The following FBXO36 variants were observed in gnomAD, a reference collection of about 807,000 sequenced individuals.
FBXO36 encodes the protein F-box protein 36, also known as F-box only protein 36.
In FBXO36, 18 loss-of-function variants were observed where a neutral mutation model predicts 17.0. The observed-to-expected ratio is 1.06, with a 90% CI of 0.73 to 1.57. FBXO36 has a LOEUF of 1.57. Ranked by LOEUF, FBXO36 falls within the 40% of genes most tolerant of loss-of-function variation. The pLI is 0.00. For synonymous variants in FBXO36, 83 were observed against 85.3 expected, an observed-to-expected ratio of 0.97 and a Z score of 0.15; for missense variants, 229 against 221.9, an observed-to-expected ratio of 1.03 and a Z score of -0.20.
At chr2:229,996,199 G>A (rs764655249) in intron 2 of FBXO36, among the ~76,000 whole-genome samples, 3 of 151,794 alleles carry the variant, frequency 2.0e-5, no homozygotes, top group Non-Finnish European at 4.4e-5. Flanking sequence ...GATTGCTTGA[G>A]CCTGGGAGGT....
chr2:229,977,692 C>T (rs2077216820), intron 2 of FBXO36, among the ~76,000 whole-genome samples: 1 of 152,084 alleles, frequency 6.6e-6, no homozygotes, highest in South Asian at 2.1e-4. Flanking sequence ...TCAGGTGATC[C>T]ACCTGCCTCA....
At chr2:229,998,967 T>C (rs529364107) in intron 3 of FBXO36, among the ~76,000 whole-genome samples, 1 of 151,466 alleles carries the variant, frequency 6.6e-6, no homozygotes, top group East Asian at 2.0e-4. Flanking sequence ...CACACCCGGC[T>C]AATTTTTTGT....
At chr2:229,994,518 G>A (rs992153426) in intron 2 of FBXO36, among the ~76,000 whole-genome samples, 6 of 152,154 alleles carry the variant, frequency 3.9e-5, no homozygotes, top group African/African-American at 1.4e-4. Context: ...TGAAATCAGA[G>A]AGCCCAACTT....
chr2:229,922,669 C>T (rs2076775144), intron 1 of FBXO36, 60 bp downstream of exon 1: 1 of 1,557,262 alleles, frequency 6.4e-7, no homozygotes, highest in Admixed American at 1.8e-5. Context: ...GGTTGGGGCC[C>T]GGGACGCAGG....
intron 1 of FBXO36, among the ~76,000 whole-genome samples, chr2:229,965,201 T>C (rs1467848031): frequency 6.7e-6 from 1 of 148,254 alleles, no homozygotes; most frequent in African/African-American, 2.5e-5. Context: ...CCCAGGCTCG[T>C]CTCAAACACC....
At chr2:229,961,873 T>C (rs961585604) in intron 1 of FBXO36, among the ~76,000 whole-genome samples, 5 of 152,130 alleles carry the variant, frequency 3.3e-5, no homozygotes, top group Admixed American at 6.6e-5. Context: ...ATCAATAAAA[T>C]TGAATAGTTT....
intron 1 of FBXO36, chr2:229,942,838 A>G (rs2077006859): frequency 6.6e-6 from 1 of 152,222 alleles, no homozygotes; most frequent in Non-Finnish European, 1.5e-5. Flanking sequence ...CCCACAGTCA[A>G]GCCGGTCTAT....
intron 2 of FBXO36, among the ~76,000 whole-genome samples, chr2:229,985,913 T>C (rs767225597): frequency 3.9e-5 from 6 of 152,010 alleles, no homozygotes; most frequent in Non-Finnish European, 7.4e-5. Context: ...CTGGGCATGG[T>C]GGCATATGCC....
chr2:229,952,938 C>T (rs957513407), intron 1 of FBXO36, among the ~76,000 whole-genome samples: 1 of 152,172 alleles, frequency 6.6e-6, no homozygotes, highest in African/African-American at 2.4e-5. Context: ...GAGGTGCCAA[C>T]GTGACCAATA....
At chr2:229,932,477 G>A (rs537134981) in intron 1 of FBXO36, among the ~76,000 whole-genome samples, 64 of 151,738 alleles carry the variant, frequency 4.2e-4, no homozygotes, top group Non-Finnish European at 6.0e-4. Context: ...CCAAGGTCAC[G>A]CCATTGCACT....
intron 1 of FBXO36, among the ~76,000 whole-genome samples, chr2:229,938,055 CCTCCTGGGTTCATGTGATT>C (rs2076974483): frequency 6.6e-6 from 1 of 152,072 alleles, no homozygotes; most frequent in African/African-American, 2.4e-5. Context: ...GCAACCTCTG[CCTCCTGGGTTCATGTGATT>C]CTCCTGCCTC....
intron 1 of FBXO36, among the ~76,000 whole-genome samples, chr2:229,944,629 G>A (rs1470794181): frequency 4.0e-5 from 5 of 125,542 alleles, no homozygotes; most frequent in Non-Finnish European, 7.8e-5. Context: ...GTCACGCTCT[G>A]TCGCCCAGGC....
At chr2:230,009,764 G>A (rs1432697961) in intron 3 of FBXO36, among the ~76,000 whole-genome samples, 1 of 151,788 alleles carries the variant, frequency 6.6e-6, no homozygotes, top group Non-Finnish European at 1.5e-5. Flanking sequence ...TCAACGTGGC[G>A]AAAACCTGTC....
intron 2 of FBXO36, among the ~76,000 whole-genome samples, chr2:229,979,821 C>T (rs557920913): frequency 4.0e-5 from 6 of 151,350 alleles, no homozygotes; most frequent in Admixed American, 3.3e-4. Flanking sequence ...TCATTGTTGG[C>T]TTAAGAACAA....
intron 1 of FBXO36, among the ~76,000 whole-genome samples, chr2:229,957,162 C>CT (rs1355814089): frequency 6.6e-5 from 10 of 152,162 alleles, no homozygotes; most frequent in African/African-American, 2.2e-4. Flanking sequence ...ATTCTTTTCA[C>CT]TAGCAGATAG....
chr2:229,998,948 G>A (rs994491833), intron 3 of FBXO36, among the ~76,000 whole-genome samples: 1 of 150,544 alleles, frequency 6.6e-6, no homozygotes, highest in Non-Finnish European at 1.5e-5. Context: ...GACTACAGGT[G>A]CCCGCCACCA....
chr2:229,945,810 T>C (rs1306204488), intron 1 of FBXO36, among the ~76,000 whole-genome samples: 1 of 150,066 alleles, frequency 6.7e-6, no homozygotes, highest in African/African-American at 2.4e-5. Flanking sequence ...ATCATCTGAG[T>C]TCAGGAGTTT....
intron 3 of FBXO36, among the ~76,000 whole-genome samples, chr2:230,009,714 G>A (rs1430788162): frequency 1.3e-5 from 2 of 152,026 alleles, no homozygotes; most frequent in Admixed American, 1.3e-4. Context: ...GGAGGCTGAG[G>A]CAGGCAGATT....
intron 2 of FBXO36, among the ~76,000 whole-genome samples, chr2:229,977,930 G>C (rs926994356): frequency 6.6e-6 from 1 of 151,990 alleles, no homozygotes; most frequent in Non-Finnish European, 1.5e-5. Context: ...GACTTTCTTC[G>C]ACTAAACTCT....
Sources: gnomAD v4.1 joint callset for allele counts (sites outside exome capture counted in the v4.1 genomes callset) on GRCh38, gnomAD v4.1.1 for gene constraint, MANE v1.5 for transcripts, NCBI Gene and HGNC (gene_info 2026-07-23, HGNC 2026-07-21) for gene names.